Variants in SS18L2 observed in about 807,000 individuals in gnomAD.
SS18L2 encodes SS18 like 2.
In SS18L2, 8 loss-of-function variants were observed where a neutral mutation model predicts 10.3. That is an observed-to-expected ratio of 0.78 (90% confidence interval 0.46 to 1.41). The LOEUF is 1.41. SS18L2 is among the 40% of genes most tolerant of loss of function. The pLI, the probability that SS18L2 is intolerant of heterozygous loss-of-function variation, is 0.00. For synonymous variants in SS18L2, 41 were observed against 34.6 expected (o/e 1.19, Z -0.65); for missense variants, 100 against 96.2 (o/e 1.04, Z -0.17).
At position 42,594,428 on chromosome 3, in the gene SS18L2, G is replaced by C; in HGVS notation, c.153G>C (p.Gln51His). The C allele has an allele frequency of 6.2e-7, 1 of 1,613,316 alleles. No homozygotes were observed. Among genetic ancestry groups the C allele is most frequent in the Non-Finnish European group, 8.5e-7 (1 of 1,179,434 alleles). The change falls in exon 3 of 3, where the codon CAG becomes CAC. Residue 51 changes from glutamine (Q) to histidine (H), a missense_variant. Physicochemically the swap from Gln to His is conservative, Grantham distance 24. Transcript: ENST00000011691. ...KGRGNECVQY[Q>H]HVLHRNLIYL... ...CCTGTTTTTTTGCCCATAGGTACCA[G>C]CATGTGTTACATAGAAATCTCATTT...
intron 1 of SS18L2, among the ~76,000 whole-genome samples, chr3:42,582,639 C>T (rs778122951): frequency 1.7e-4 from 26 of 152,222 alleles, no homozygotes; most frequent in Non-Finnish European, 3.5e-4. Context: ...AGGGTGAGAG[C>T]ACCCTTCAAA....
intron 1 of SS18L2, chr3:42,591,199 T>A: frequency 7.3e-6 from 4 of 547,218 alleles, no homozygotes; most frequent in Middle Eastern, 4.7e-4. Flanking sequence ...ACCCTTTCTC[T>A]CCTTTTTTTT....
rs531543556 is a variant in SS18L2 at position 42,582,719 on chromosome 3, AGC to A, written c.-90+762_-90+763del. ...CAGGGGTTTTGGGAGAATTTACAGA[AGC>A]TTCTAGGCTGGTGTTGGGAATCACA... On this transcript the variant is annotated intron_variant, in intron 1 of 3. Coordinates refer to the SS18L2 transcript ENST00000447630. 2.1e-4 allele frequency among the ~76,000 whole-genome samples: 32 copies of A among 152,288 alleles called. No individual in the cohort carries two copies. In the South Asian group the frequency reaches 4.1e-3, roughly 20 times the overall value.
chr3:42,589,660 G>A (rs576741783), upstream of SS18L2, among the ~76,000 whole-genome samples: 5 of 152,314 alleles, frequency 3.3e-5, no homozygotes, highest in South Asian at 2.1e-4. Flanking sequence ...ACCCTATTGT[G>A]AACTGGACTT....
At chr3:42,585,946 C>T (rs540786909), upstream of SS18L2, among the ~76,000 whole-genome samples, 2 of 152,084 alleles carry the variant, frequency 1.3e-5, no homozygotes, top group Admixed American at 1.3e-4. Context: ...TTCAACCCCC[C>T]CTCCCCCGCT....
At chr3:42,592,699 CCTT>C (rs971944471) in intron 2 of SS18L2, among the ~76,000 whole-genome samples, 2 of 152,122 alleles carry the variant, frequency 1.3e-5, no homozygotes, top group African/African-American at 4.8e-5. Flanking sequence ...ATGGTAAATA[CCTT>C]CTCCTTTTTC....
rs1041733053 is a variant in SS18L2 at position 42,596,829 on chromosome 3, T to G, written c.*2320T>G. The stretch of plus-strand genomic sequence containing the variant: ...GATTTGTCTCAGGTCACATAACCAG[T>G]GGCAGAAAGAAGAGAATTGCTGGAA... On this transcript the variant is annotated 3_prime_UTR_variant, in exon 3 of 3. Coordinates refer to ENST00000011691, the MANE Select transcript of SS18L2 (RefSeq NM_001370300.1). Among the ~76,000 whole-genome samples, 2 of 152,182 alleles carry G rather than the reference T, an allele frequency of 1.3e-5. No homozygotes were observed. Among genetic ancestry groups the G allele is most frequent in the African/African-American group, 2.4e-5 (1 of 41,442 alleles).
chr3:42,591,513 C>G lies in SS18L2; in HGVS notation c.70-12C>G. 1 of 1,611,014 alleles carries G rather than the reference C, an allele frequency of 6.2e-7. No individual in the cohort carries two copies. The highest frequency in any genetic ancestry group is 8.5e-7 in the Non-Finnish European group (1 of 1,177,206). On this transcript the variant is annotated splice_polypyrimidine_tract_variant and intron_variant, in intron 1 of 2. Coordinates refer to ENST00000011691, the MANE Select transcript of SS18L2 (RefSeq NM_001370300.1). ...CGGCCTGCACTGACCCTTTCTTTCT[C>G]TGATCTTTCAGCTCCTTGAGGAGAA...
intron 2 of SS18L2, among the ~76,000 whole-genome samples, chr3:42,592,584 C>T (rs1030415554): frequency 6.6e-6 from 1 of 152,168 alleles, no homozygotes; most frequent in Non-Finnish European, 1.5e-5. Context: ...GAAAAATTAC[C>T]TACAGTCCCT....
At chr3:42,590,585 CAA>C (rs1211821938), upstream of SS18L2, among the ~76,000 whole-genome samples, 9 of 134,764 alleles carry the variant, frequency 6.7e-5, no homozygotes, top group Non-Finnish European at 8.1e-5. Flanking sequence ...GACTCCATCT[CAA>C]AAAAAAAAAA....
rs557608854 is a variant in SS18L2, at chr3:42,591,072, G to A, written c.69+106G>A. On this transcript the variant is annotated intron_variant, in intron 1 of 2. Coordinates refer to ENST00000011691, the MANE Select transcript of SS18L2 (RefSeq NM_001370300.1). ...AGTGAGCGGCCTCCCAGCTGACTGT[G>A]AAGGGTGCTGAGCAGCCGGGGTGCG... 12 of 1,284,816 alleles carry A rather than the reference G, an allele frequency of 9.3e-6. No individual in the cohort carries two copies. In the South Asian group the frequency reaches 1.0e-4, roughly 11 times the overall value. 79.6% of individuals were successfully genotyped at this position (1,284,816 alleles called of 1,614,324 possible).
At chr3:42,586,970 C>G (rs1040981830), upstream of SS18L2, among the ~76,000 whole-genome samples, 2 of 152,176 alleles carry the variant, frequency 1.3e-5, no homozygotes, top group Admixed American at 6.5e-5. Context: ...AACCCAGAAC[C>G]CCAGAAGGCA....
At chr3:42,588,981 C>T (rs1704715140), upstream of SS18L2, among the ~76,000 whole-genome samples, 1 of 151,856 alleles carries the variant, frequency 6.6e-6, no homozygotes, top group South Asian at 2.1e-4. Flanking sequence ...GGGATGAAAG[C>T]AGGCCGGGCA....
At chr3:42,583,434 T>C (rs1704499572) in intron 1 of SS18L2, among the ~76,000 whole-genome samples, 1 of 152,068 alleles carries the variant, frequency 6.6e-6, no homozygotes, top group African/African-American at 2.4e-5. Context: ...CTTGGATAAA[T>C]GGATGGATGG....
chr3:42,593,753 T>TG (rs1362392503), intron 2 of SS18L2, among the ~76,000 whole-genome samples: 5 of 151,954 alleles, frequency 3.3e-5, no homozygotes, highest in African/African-American at 9.7e-5. Context: ...GCAGAGTAAG[T>TG]GGGGGGAGGA....
At chr3:42,584,187 C>G (rs529167463) in intron 1 of SS18L2, among the ~76,000 whole-genome samples, 1 of 152,234 alleles carries the variant, frequency 6.6e-6, no homozygotes, top group Non-Finnish European at 1.5e-5. Flanking sequence ...TCTGGAGAAC[C>G]TTGACTAATA....
chr3:42,585,078 G>A (rs555004783), intron 1 of SS18L2, among the ~76,000 whole-genome samples: 81 of 152,234 alleles, frequency 5.3e-4, no homozygotes, highest in Middle Eastern at 6.8e-3. Flanking sequence ...GCAGTAAGCC[G>A]AGATCGCACC....
rs1704844991 is a variant in SS18L2, at chr3:42,591,565, A to T, written c.110A>T (p.Glu37Val). ...GACCAGCTGATCCGCTGTATTGTGG[A>T]GTATCAGAACAAGGGCCGCGGGAAC... ...ENDQLIRCIV[E>V]YQNKGRGNEC... Residue 37 changes from glutamate (E) to valine (V), a missense_variant, in exon 2 of 3, where the codon GAG becomes GTG. Transcript: ENST00000011691. 2 of 1,613,972 alleles carry T rather than the reference A, an allele frequency of 1.2e-6. No individual in the cohort carries two copies. Among genetic ancestry groups the T allele is most frequent in the East Asian group, 2.2e-5 (1 of 44,872 alleles).
chr3:42,593,372 A>C (rs1704921667), intron 2 of SS18L2, among the ~76,000 whole-genome samples: 1 of 152,198 alleles, frequency 6.6e-6, no homozygotes, highest in African/African-American at 2.4e-5. Flanking sequence ...AGCCAAGATC[A>C]CGCCACTGCA....
Sources: gnomAD v4.1 joint callset for allele counts (sites outside exome capture counted in the v4.1 genomes callset) on GRCh38, gnomAD v4.1.1 for gene constraint, MANE v1.5 for transcripts, NCBI Gene and HGNC (gene_info 2026-07-23, HGNC 2026-07-21) for gene names.